Variants in DNMBP observed in about 807,000 individuals in gnomAD.
DNMBP encodes dynamin binding protein, also known as dynamin-binding protein.
DNMBP carries 87 observed loss-of-function variants against 150.0 expected under a neutral mutation model. That is an observed-to-expected ratio of 0.58 (90% CI 0.49 to 0.69). The LOEUF is 0.69. DNMBP is among the 30% of genes least tolerant of loss of function. The pLI is 0.00. For missense variants in DNMBP, 1,774 were observed against 1,949.0 expected, an observed-to-expected ratio of 0.91 and a Z score of 1.69; for synonymous variants, 711 against 750.4, an observed-to-expected ratio of 0.95 and a Z score of 0.86.
intron 4 of DNMBP, among the ~76,000 whole-genome samples, chr10:99,950,176 C>T (rs749472756): frequency 2.6e-5 from 4 of 152,178 alleles, no homozygotes; most frequent in Admixed American, 6.5e-5. Flanking sequence ...GGAGTCTTCC[C>T]GCACAAGCTC....
chr10:99,886,335 G>A lies in DNMBP; in HGVS notation c.3583C>T (p.His1195Tyr). The A allele has an allele frequency of 6.2e-7, 1 of 1,613,994 alleles. No homozygotes were observed. The highest frequency in any genetic ancestry group is 1.1e-5 in the South Asian group (1 of 91,082). ...GGCTTTAATTGCTCCAGAGCCTGGT[G>A]CACAAAGTCACAGTGGGCTTCAGCA... ...GYAEAHCDFV[H>Y]QALEQLKPLL... The change falls in exon 13 of 17, where the codon CAC becomes TAC. Residue 1195 changes from histidine (H) to tyrosine (Y), a missense_variant. His to Tyr is a moderately conservative substitution (Grantham distance 83, BLOSUM62 2). Transcript: ENST00000324109.
In DNMBP at chr10:99,877,241, A is replaced by G; in HGVS notation, c.4644T>C (p.Val1548=). 1 of 1,614,036 alleles carries G rather than the reference A, an allele frequency of 6.2e-7. No homozygotes were observed. The highest frequency in any genetic ancestry group is 1.3e-5 in the African/African-American group (1 of 75,032). The change falls in exon 17 of 17, where the codon GTT becomes GTC. Residue 1548 remains valine, a synonymous_variant. Coordinates refer to ENST00000324109, the MANE Select transcript of DNMBP (RefSeq NM_015221.4). ...QKLKILEFKD[V]TGNTEWWLAE... is the part of the protein sequence containing the mutation. ...CTAACCACCACTCTGTATTTCCTGT[A>G]ACATCTTTAAACTCGAGGATCTTGA...
intron 4 of DNMBP, among the ~76,000 whole-genome samples, chr10:99,931,900 A>T (rs772431571): frequency 3.9e-5 from 6 of 152,246 alleles, no homozygotes; most frequent in Non-Finnish European, 7.3e-5. Flanking sequence ...TTGGATGTGA[A>T]CAGTGACTTC....
intron 13 of DNMBP, among the ~76,000 whole-genome samples, 189 bp downstream of exon 13, chr10:99,886,111 G>GA (rs2039458057): frequency 6.6e-6 from 1 of 152,186 alleles, no homozygotes; most frequent in Non-Finnish European, 1.5e-5. Flanking sequence ...GCTCAAGAGG[G>GA]AAAAGATGTT....
intron 4 of DNMBP, chr10:99,930,319 G>A: frequency 1.4e-6 from 1 of 702,912 alleles, no homozygotes; most frequent in Non-Finnish European, 2.6e-6. Context: ...GAGTCCTCAG[G>A]ATTATAATTC....
rs113432600 is a variant in DNMBP, at chr10:99,898,910, C to T, written c.2703-150G>A. ...TTAGTCTACTAAAAAATGTTAGCCC[C>T]GGCCAGGCATGGTGGCTCACGCCTG... On this transcript the variant is annotated intron_variant, in intron 7 of 16. Coordinates refer to ENST00000324109, the MANE Select transcript of DNMBP (RefSeq NM_015221.4). 1.3e-3 allele frequency: 1,051 copies of T among 804,222 alleles called. 7 individuals carry two copies. Among genetic ancestry groups the T allele is most frequent in the African/African-American group, 9.4e-3 (537 of 57,404 alleles). The allele number at this position is 804,222 out of a possible 1,614,324, so 49.8% of individuals were successfully genotyped here. A position where few individuals can be genotyped will look rare whatever the true frequency, so the allele number is the denominator to read the frequency against.
chr10:99,903,067 T>C (rs1451977755), intron 6 of DNMBP, among the ~76,000 whole-genome samples: 1 of 150,744 alleles, frequency 6.6e-6, no homozygotes, highest in Non-Finnish European at 1.5e-5. Flanking sequence ...CTCAAGAACC[T>C]GGGACTACAG....
intron 1 of DNMBP, among the ~76,000 whole-genome samples, chr10:99,980,930 G>A (rs1208759889): frequency 6.6e-6 from 1 of 152,158 alleles, no homozygotes; most frequent in Non-Finnish European, 1.5e-5. Flanking sequence ...CCAGGGGGTA[G>A]GGGCGAGAAG....
chr10:99,901,806 C>T (rs745996580), intron 6 of DNMBP, among the ~76,000 whole-genome samples: 13 of 152,320 alleles, frequency 8.5e-5, no homozygotes, highest in Middle Eastern at 3.4e-3. Context: ...TGTCCAGGCA[C>T]GACCCCTCCC....
chr10:99,914,757 G>A (rs1170671039), intron 4 of DNMBP, among the ~76,000 whole-genome samples: 2 of 152,094 alleles, frequency 1.3e-5, no homozygotes, highest in African/African-American at 4.8e-5. Flanking sequence ...AGAGACGAAA[G>A]AAAGGAAAAT....
Position 99,918,408 on chromosome 10 carries a change from G to A in DNMBP, c.2261-9262C>T, listed in dbSNP as rs115915296. 5.0e-3 allele frequency among the ~76,000 whole-genome samples: 764 copies of A among 151,940 alleles called. 5 individuals are homozygous for A. The highest frequency in any genetic ancestry group is 0.018 in the African/African-American group (732 of 41,428). Reference sequence around the variant, plus strand: ...CTGGTGGCTTTTGCTCTGTAATGTCGGTCTATTTTGGCAAGTAGCCTGAAG... The same window carrying A: ...CTGGTGGCTTTTGCTCTGTAATGTCAGTCTATTTTGGCAAGTAGCCTGAAG... On this transcript the variant is annotated intron_variant, in intron 4 of 16. Transcript: ENST00000324109.
intron 1 of DNMBP, among the ~76,000 whole-genome samples, chr10:99,986,010 T>C (rs925952928): frequency 1.3e-5 from 2 of 152,108 alleles, no homozygotes; most frequent in Non-Finnish European, 2.9e-5. Flanking sequence ...CTCGCCCTCT[T>C]GAAGTGCTGG....
intron 4 of DNMBP, among the ~76,000 whole-genome samples, chr10:99,935,236 C>T (rs370596298): frequency 6.6e-6 from 1 of 151,580 alleles, no homozygotes; most frequent in African/African-American, 2.4e-5. Flanking sequence ...GTTGAAGAAT[C>T]ATCATCATTA....
rs2040649570 is a variant in DNMBP, at chr10:99,969,119, A to T, written c.264T>A (p.His88Gln). The T allele has an allele frequency of 6.2e-7, 1 of 1,613,950 alleles. No individual in the cohort carries two copies. The highest frequency in any genetic ancestry group is 8.5e-7 in the Non-Finnish European group (1 of 1,179,968). ...ACTATTTGATGAGCAGCTTACCTCG[A>T]TGGAGGGGAAGATTATCCAACTCTT... Reference protein sequence around the residue: ...TSQELDNLPLHRGDLVILDGI... With the variant: ...TSQELDNLPLQRGDLVILDGI... The change falls in exon 3 of 17, where the codon CAT (histidine) becomes CAA (glutamine). Residue 88 changes from histidine (H) to glutamine (Q), a missense_variant. Physicochemically the swap from His to Gln is conservative, Grantham distance 24 (BLOSUM62 0). Coordinates refer to ENST00000324109, the MANE Select transcript of DNMBP (RefSeq NM_015221.4).
In DNMBP at chr10:99,896,405, G is replaced by GT; in HGVS notation, c.2921-9dup. The stretch of plus-strand genomic sequence containing the variant: ...CCTTACGGTACTTGAGGACTAGGGA[G>GT]TAAGTCAGAAAAGCACTTTCCTCAG... On this transcript the variant is annotated splice_polypyrimidine_tract_variant and intron_variant, in intron 9 of 16. Coordinates refer to ENST00000324109, the MANE Select transcript of DNMBP (RefSeq NM_015221.4). The GT allele has an allele frequency of 3.1e-6, 5 of 1,614,082 alleles. No homozygotes were observed. Among genetic ancestry groups the GT allele is most frequent in the Non-Finnish European group, 4.2e-6 (5 of 1,179,982 alleles).
intron 3 of DNMBP, among the ~76,000 whole-genome samples, chr10:99,967,203 A>G (rs1236960437): frequency 6.6e-6 from 1 of 152,134 alleles, no homozygotes. Flanking sequence ...GTTTCAGACC[A>G]GCCTGGGCAA....
intron 6 of DNMBP, among the ~76,000 whole-genome samples, chr10:99,904,493 C>G (rs2039795382): frequency 1.3e-5 from 2 of 152,110 alleles, no homozygotes; most frequent in East Asian, 1.9e-4. Flanking sequence ...CCTTCATGGT[C>G]TTCTCGGAGC....
At chr10:99,891,586 G>A (rs1170931051) in intron 11 of DNMBP, among the ~76,000 whole-genome samples, 1 of 151,710 alleles carries the variant, frequency 6.6e-6, no homozygotes, top group Non-Finnish European at 1.5e-5. Context: ...GCCTCTGCCC[G>A]GCCGCCACCC....
intron 3 of DNMBP, among the ~76,000 whole-genome samples, chr10:99,965,119 T>C (rs2040607491): frequency 6.6e-6 from 1 of 152,086 alleles, no homozygotes; most frequent in African/African-American, 2.4e-5. Flanking sequence ...CTAATAAGAA[T>C]AGCTAGCATT....
Sources: gnomAD v4.1 joint callset for allele counts (sites outside exome capture counted in the v4.1 genomes callset) on GRCh38, gnomAD v4.1.1 for gene constraint, MANE v1.5 for transcripts, NCBI Gene and HGNC (gene_info 2026-07-23, HGNC 2026-07-21) for gene names.